HECTD4: variants seen among roughly 807,000 people sequenced by gnomAD.
HECTD4 encodes the protein HECT domain E3 ubiquitin protein ligase 4.
A neutral mutation model predicts 471.5 loss-of-function variants in HECTD4; 114 were observed. That is an observed-to-expected ratio of 0.24 (90% CI 0.21 to 0.28). The LOEUF (loss-of-function observed/expected upper bound fraction) is 0.28, where lower values mean the gene tolerates loss of function less well. HECTD4 is among the 10% of genes least tolerant of loss of function. The pLI, the probability that HECTD4 is intolerant of heterozygous loss-of-function variation, is 1.00. For synonymous variants in HECTD4, 2,012 were observed against 2,256.0 expected, an observed-to-expected ratio of 0.89 and a Z score of 3.07; for missense variants, 3,866 against 5,651.5, an observed-to-expected ratio of 0.68 and a Z score of 10.13.
chr12:112,345,157 G>C (rs1165241883), intron 1 of HECTD4, among the ~76,000 whole-genome samples: 1 of 152,050 alleles, frequency 6.6e-6, no homozygotes, highest in East Asian at 1.9e-4. Context: ...GGAGGCTGAG[G>C]CAAGAGGATT....
chr12:112,185,248 C>G lies in HECTD4; in HGVS notation c.9718G>C (p.Gly3240Arg). 6.5e-7 allele frequency: 1 copy of G among 1,550,148 alleles called. No individual in the cohort carries two copies. The highest frequency in any genetic ancestry group is 1.2e-5 in the South Asian group (1 of 84,022). ...WVSGGACGGS[G>R]GAAAGDQGRF... ...CCCTGGTCACCGGCCGCCGCCCCCC[C>G]GGAGCCCCCGCAGGCGCCGCCTGAG... Residue 3240 changes from glycine (G) to arginine (R), a missense_variant, in exon 61 of 76, where the codon GGG (glycine) becomes CGG (arginine). Physicochemically the swap from Gly to Arg is moderately radical, Grantham distance 125 (BLOSUM62 -2). Coordinates refer to ENST00000682272, the MANE Select transcript of HECTD4 (RefSeq NM_001388303.1).
chr12:112,170,295 G>A, intron 69 of HECTD4, 38 bp downstream of exon 69: 1 of 1,609,264 alleles, frequency 6.2e-7, no homozygotes, highest in Non-Finnish European at 8.5e-7. Context: ...TTTAGGCACT[G>A]CCATTTTGCA....
chr12:112,210,818 A>G (rs1227468554), intron 49 of HECTD4, among the ~76,000 whole-genome samples: 1 of 152,200 alleles, frequency 6.6e-6, no homozygotes, highest in African/African-American at 2.4e-5. Flanking sequence ...TCATAACCCA[A>G]TGAAGACAGA....
At chr12:112,187,164 A>G (rs1412539927) in intron 60 of HECTD4, among the ~76,000 whole-genome samples, 2 of 151,344 alleles carry the variant, frequency 1.3e-5, no homozygotes, top group Non-Finnish European at 2.9e-5. Flanking sequence ...TTTTTTGTAG[A>G]GACAGGGTTC....
chr12:112,290,519 C>G (rs1469070099), intron 7 of HECTD4, among the ~76,000 whole-genome samples: 1 of 151,654 alleles, frequency 6.6e-6, no homozygotes, highest in African/African-American at 2.4e-5. Context: ...GAGCAACACC[C>G]TGTCTCAAAA....
In HECTD4 at chr12:112,164,253, TC is replaced by T; in HGVS notation, c.12556del (p.Glu4186ArgfsTer30). 6.2e-7 allele frequency: 1 copy of T among 1,613,190 alleles called. No individual in the cohort carries two copies. The highest frequency in any genetic ancestry group is 8.5e-7 in the Non-Finnish European group (1 of 1,179,504). ...FESINDETELEALCAEIASQH... is the reference protein window; with the variant it reads ...FESINDETELXALCAEIASQH... ...GGAGGCGATCTCAGCGCACAGGGCC[TC>T]CAGCTCGGTCTCATCATTGATCTGG... On this transcript the variant is annotated frameshift_variant, in exon 73 of 76. Coordinates refer to ENST00000682272, the MANE Select transcript of HECTD4 (RefSeq NM_001388303.1). LOFTEE classifies it high-confidence loss of function.
chr12:112,172,875 CA>C lies in HECTD4; in HGVS notation c.11595-15del, dbSNP rs771116640. The C allele has an allele frequency of 4.3e-5, 70 of 1,612,484 alleles. No individual in the cohort carries two copies. The highest frequency in any genetic ancestry group is 6.7e-5 in the African/African-American group (5 of 74,866). ...ATGCATGCGCACCTTGGGGTGGGGA[CA>C]GGGGGAGAGGGGCAAAGTGAGGCAG... On this transcript the variant is annotated splice_polypyrimidine_tract_variant and intron_variant, in intron 66 of 75. Coordinates refer to ENST00000682272, the MANE Select transcript of HECTD4 (RefSeq NM_001388303.1).
intron 11 of HECTD4, among the ~76,000 whole-genome samples, chr12:112,272,216 T>G (rs926029563): frequency 6.6e-6 from 1 of 152,032 alleles, no homozygotes; most frequent in African/African-American, 2.4e-5. Context: ...CCCAGCTAAC[T>G]TTTTTGTATT....
rs1401415264 is a variant in HECTD4 at position 112,340,423 on chromosome 12, G to A, written c.178-20681C>T. Among the ~76,000 whole-genome samples the A allele has an allele frequency of 2.6e-5, 4 of 150,978 alleles. 1 individual carries two copies. Among genetic ancestry groups the A allele is most frequent in the African/African-American group, 7.4e-5 (3 of 40,722 alleles). ...GGAAGGAGCTATTGCTTGTCTGGGAGACTAAAGCCTAGACCAGGAGCTCTC... is the reference window on the plus strand; with the variant it reads ...GGAAGGAGCTATTGCTTGTCTGGGAAACTAAAGCCTAGACCAGGAGCTCTC... On this transcript the variant is annotated intron_variant, in intron 1 of 75. Coordinates refer to ENST00000682272, the MANE Select transcript of HECTD4 (RefSeq NM_001388303.1).
Position 112,262,657 on chromosome 12 carries a change from C to T in HECTD4, c.2749-1228G>A, listed in dbSNP as rs547855833. 2.8e-3 allele frequency among the ~76,000 whole-genome samples: 416 copies of T among 150,490 alleles called. 4 individuals are homozygous for T. Among genetic ancestry groups the T allele is most frequent in the African/African-American group, 9.7e-3 (394 of 40,576 alleles). ...TTGAAACACAGTCTCACTCTGTCACCCAGGCTGGAGTGCAGTGGCATGATC... is the reference window on the plus strand; with the variant it reads ...TTGAAACACAGTCTCACTCTGTCACTCAGGCTGGAGTGCAGTGGCATGATC... On this transcript the variant is annotated intron_variant, in intron 17 of 75. Coordinates refer to ENST00000682272, the MANE Select transcript of HECTD4 (RefSeq NM_001388303.1).
rs367597011 is a variant in HECTD4 at position 112,263,724 on chromosome 12, T to TACAC, written c.2748+356_2748+359dup. Among the ~76,000 whole-genome samples, 166 of 125,116 alleles carry TACAC rather than the reference T, an allele frequency of 1.3e-3. 1 individual carries two copies. The highest frequency in any genetic ancestry group is 4.0e-3 in the Middle Eastern group (1 of 248). The allele number at this position is 125,116 out of a possible 152,430, so 82.1% of individuals were successfully genotyped here. A position where few individuals can be genotyped will look rare whatever the true frequency, so the allele number is the denominator to read the frequency against. On this transcript the variant is annotated intron_variant, in intron 17 of 75. Coordinates refer to ENST00000682272, the MANE Select transcript of HECTD4 (RefSeq NM_001388303.1). ...CAAGATTTTTATATATATATATATA[T>TACAC]ACACACACACACACACACACACACA...
intron 1 of HECTD4, among the ~76,000 whole-genome samples, chr12:112,380,755 T>A (rs2036871779): frequency 6.6e-6 from 1 of 152,064 alleles, no homozygotes; most frequent in South Asian, 2.1e-4. Flanking sequence ...GACACAAAAA[T>A]ACAGTGGAAC....
chr12:112,379,418 G>C (rs940403230), intron 1 of HECTD4, among the ~76,000 whole-genome samples: 4 of 152,174 alleles, frequency 2.6e-5, no homozygotes, highest in Non-Finnish European at 5.9e-5. Context: ...TATGTGCTGG[G>C]CATGGTGGCT....
intron 1 of HECTD4, among the ~76,000 whole-genome samples, chr12:112,354,048 T>G (rs1233698850): frequency 6.6e-6 from 1 of 151,842 alleles, no homozygotes; most frequent in African/African-American, 2.4e-5. Flanking sequence ...CCTCTAAGAA[T>G]AATAATAATA....
rs545690833 is a variant in HECTD4 at position 112,380,424 on chromosome 12, G to A, written c.177+1528C>T. Reference sequence around the variant, plus strand: ...CGCGCCACTGCACTCCAGCCTGGGCGACAGAGCAAGACTCGGTCTCGGGGG... The same window carrying A: ...CGCGCCACTGCACTCCAGCCTGGGCAACAGAGCAAGACTCGGTCTCGGGGG... On this transcript the variant is annotated intron_variant, in intron 1 of 75. Transcript: ENST00000682272. 4.0e-5 allele frequency among the ~76,000 whole-genome samples: 6 copies of A among 151,866 alleles called. 1 individual carries two copies. In the South Asian group the frequency reaches 6.3e-4, roughly 16 times the overall value.
rs1054465959 is a variant in HECTD4 at position 112,235,318 on chromosome 12, G to A, written c.5726-52C>T. The A allele has an allele frequency of 7.7e-6, 12 of 1,556,992 alleles. No homozygotes were observed. The highest frequency in any genetic ancestry group is 2.7e-5 in the African/African-American group (2 of 72,758). ...AGGAAAACTGCAGTGTTGTTTTGGC[G>A]GCTCTGCTAAAATGAAAAATAATGG... On this transcript the variant is annotated intron_variant, in intron 36 of 75. Coordinates refer to ENST00000682272, the MANE Select transcript of HECTD4 (RefSeq NM_001388303.1). This position sits in a 1 kb window ranked among gnomAD's most constrained non-coding sequence, Gnocchi z 5.0.
chr12:112,216,658 C>T, intron 47 of HECTD4, 115 bp downstream of exon 47: 1 of 1,217,992 alleles, frequency 8.2e-7, no homozygotes. Flanking sequence ...AAATAATGCT[C>T]TCCTTTCCCC....
At chr12:112,363,420 C>T (rs979387860) in intron 1 of HECTD4, among the ~76,000 whole-genome samples, 2 of 151,964 alleles carry the variant, frequency 1.3e-5, no homozygotes. Context: ...CAAGGTACTG[C>T]TACTCAATAA....
At chr12:112,290,726 T>C (rs1312201377) in intron 7 of HECTD4, among the ~76,000 whole-genome samples, 2 of 151,762 alleles carry the variant, frequency 1.3e-5, no homozygotes, top group East Asian at 1.9e-4. Flanking sequence ...TGTATGCCTG[T>C]AGTCCCAGCT....
Sources: allele counts gnomAD v4.1 joint callset (sites outside exome capture counted in the v4.1 genomes callset), GRCh38; gene constraint gnomAD v4.1.1; non-coding constraint Gnocchi (gnomAD v3.1); transcripts MANE v1.5; gene names NCBI Gene and HGNC (gene_info 2026-07-23, HGNC 2026-07-21).